MCTP1: variants seen among roughly 807,000 people sequenced by gnomAD.
MCTP1 encodes multiple C2 and transmembrane domain-containing protein 1.
In MCTP1, 69 loss-of-function variants were observed where a neutral mutation model predicts 120.6. The ratio of observed to expected loss-of-function variants is 0.57; its 90% confidence interval spans 0.47 to 0.70. The LOEUF (loss-of-function observed/expected upper bound fraction) is 0.70. MCTP1 is among the 30% of genes least tolerant of loss of function. MCTP1 has a pLI of 0.00. For missense variants in MCTP1, 1,203 were observed against 1,248.8 expected (o/e 0.96, Z 0.55); for synonymous variants, 529 against 493.1 (o/e 1.07, Z -0.96).
intron 19 of MCTP1, among the ~76,000 whole-genome samples, chr5:94,727,913 T>C (rs891061854): frequency 5.3e-5 from 8 of 152,264 alleles, no homozygotes; most frequent in Admixed American, 2.6e-4. Flanking sequence ...CAACAAAACA[T>C]AGCAGATGTC....
intron 1 of MCTP1, among the ~76,000 whole-genome samples, chr5:95,177,259 A>C (rs1748107608): frequency 2.0e-5 from 3 of 152,124 alleles, no homozygotes; most frequent in Admixed American, 2.0e-4. Context: ...AATGAGTCCA[A>C]AATCTGATGA....
intron 19 of MCTP1, among the ~76,000 whole-genome samples, chr5:94,769,265 G>C (rs1381893434): frequency 6.6e-6 from 1 of 152,088 alleles, no homozygotes; most frequent in Non-Finnish European, 1.5e-5. Flanking sequence ...TTGGTTAATG[G>C]AAACAAACAT....
At chr5:95,216,074 T>G (rs149223921) in intron 1 of MCTP1, among the ~76,000 whole-genome samples, 6 of 152,368 alleles carry the variant, frequency 3.9e-5, no homozygotes, top group African/African-American at 1.4e-4. Flanking sequence ...AAATATTTGT[T>G]AAACATATTA....
At chr5:95,041,251 G>C (rs1842301562) in intron 1 of MCTP1, among the ~76,000 whole-genome samples, 1 of 146,406 alleles carries the variant, frequency 6.8e-6, no homozygotes, top group South Asian at 2.1e-4. Flanking sequence ...ACTTCCTTCA[G>C]CTGGGAAACA....
intron 1 of MCTP1, among the ~76,000 whole-genome samples, chr5:95,167,708 T>C (rs899881109): frequency 9.9e-5 from 15 of 152,252 alleles, no homozygotes; most frequent in Non-Finnish European, 5.9e-5. Flanking sequence ...AAATGTCTTC[T>C]TTTGAGAAGT....
intron 1 of MCTP1, among the ~76,000 whole-genome samples, chr5:95,027,602 G>A (rs959533427): frequency 2.0e-5 from 3 of 152,124 alleles, no homozygotes; most frequent in Non-Finnish European, 4.4e-5. Flanking sequence ...TTGTAACAGG[G>A]CATACAGACA....
At chr5:94,962,897 T>C (rs1030632784) in intron 2 of MCTP1, among the ~76,000 whole-genome samples, 1 of 152,080 alleles carries the variant, frequency 6.6e-6, no homozygotes, top group African/African-American at 2.4e-5. Flanking sequence ...ATAATAAATC[T>C]TTAAACTTGA....
chr5:94,950,864 G>A (rs539065900), intron 3 of MCTP1, among the ~76,000 whole-genome samples: 6 of 151,400 alleles, frequency 4.0e-5, no homozygotes, highest in Non-Finnish European at 8.8e-5. Flanking sequence ...GGAGAAAGGC[G>A]TGAACTCAGG....
chr5:95,153,361 T>C (rs1185498644), intron 1 of MCTP1, among the ~76,000 whole-genome samples: 1 of 152,212 alleles, frequency 6.6e-6, no homozygotes. Flanking sequence ...CTTTCCTTTA[T>C]AAATTACTTA....
chr5:94,794,254 T>C (rs1779549874), intron 18 of MCTP1, among the ~76,000 whole-genome samples: 1 of 152,214 alleles, frequency 6.6e-6, no homozygotes, highest in Non-Finnish European at 1.5e-5. Flanking sequence ...TTTTTTTGTG[T>C]CAAAGAAATT....
intron 1 of MCTP1, among the ~76,000 whole-genome samples, chr5:95,133,938 A>C (rs1247237660): frequency 6.6e-6 from 1 of 152,104 alleles, no homozygotes; most frequent in African/African-American, 2.4e-5. Context: ...AACTGTAAAA[A>C]CCCCAAATTT....
intron 1 of MCTP1, among the ~76,000 whole-genome samples, chr5:95,220,136 G>T (rs551258027): frequency 6.6e-6 from 1 of 152,280 alleles, no homozygotes; most frequent in South Asian, 2.1e-4. Context: ...GGCTAAATTA[G>T]AGCTGAGGTT....
intron 2 of MCTP1, among the ~76,000 whole-genome samples, chr5:95,002,367 A>G (rs1288981749): frequency 6.6e-6 from 1 of 152,128 alleles, no homozygotes; most frequent in Non-Finnish European, 1.5e-5. Flanking sequence ...AGATCCACCC[A>G]CAGCTTGCAC....
chr5:94,779,234 T>C, intron 18 of MCTP1, 71 bp from the exon 19 acceptor site: 1 of 1,279,452 alleles, frequency 7.8e-7, no homozygotes, highest in Non-Finnish European at 1.1e-6. Flanking sequence ...TTTTGAACCT[T>C]TTGGAAATGA....
chr5:94,950,310 G>A (rs887792440), intron 3 of MCTP1, among the ~76,000 whole-genome samples: 4 of 151,284 alleles, frequency 2.6e-5, no homozygotes, highest in Non-Finnish European at 4.4e-5. Flanking sequence ...AAGTAACTGT[G>A]TATCCTCTTC....
At chr5:94,863,371 T>C (rs1365832435) in intron 17 of MCTP1, among the ~76,000 whole-genome samples, 3 of 151,910 alleles carry the variant, frequency 2.0e-5, no homozygotes, top group Non-Finnish European at 4.4e-5. Context: ...AACTCTTCTA[T>C]AAAAATCATT....
intron 1 of MCTP1, among the ~76,000 whole-genome samples, chr5:95,023,783 T>C (rs766424287): frequency 2.6e-5 from 4 of 152,202 alleles, no homozygotes; most frequent in Admixed American, 1.3e-4. Flanking sequence ...TTAGGAAATA[T>C]GTATCTGAAG....
At chr5:94,985,570 C>G (rs988236644) in intron 2 of MCTP1, among the ~76,000 whole-genome samples, 2 of 152,110 alleles carry the variant, frequency 1.3e-5, no homozygotes, top group Non-Finnish European at 2.9e-5. Context: ...GATTCCAAAC[C>G]CAAGTCCTAC....
intron 2 of MCTP1, among the ~76,000 whole-genome samples, chr5:94,996,191 C>G (rs144166886): frequency 1.3e-5 from 2 of 152,122 alleles, no homozygotes; most frequent in African/African-American, 4.8e-5. Context: ...TGAAAGGAGG[C>G]CTAATTAACT....
Sources: allele counts gnomAD v4.1 joint callset (sites outside exome capture counted in the v4.1 genomes callset), GRCh38; gene constraint gnomAD v4.1.1; transcripts MANE v1.5; gene names NCBI Gene and HGNC (gene_info 2026-07-23, HGNC 2026-07-21).